The following NRG4 variants were observed in gnomAD, a reference collection of about 807,000 sequenced individuals.
NRG4 encodes the protein pro-neuregulin-4, membrane-bound isoform.
A neutral mutation model predicts 15.0 loss-of-function variants in NRG4; 10 were observed. The ratio of observed to expected loss-of-function variants is 0.67; its 90% CI spans 0.41 to 1.13. The LOEUF (loss-of-function observed/expected upper bound fraction) is 1.13, where lower values mean the gene tolerates loss of function less well. NRG4 is among the 50% of genes most tolerant of loss of function. The pLI is 0.00. For missense variants in NRG4, 139 were observed against 140.2 expected (o/e 0.99, Z 0.04); for synonymous variants, 41 against 50.1 (o/e 0.82, Z 0.77).
intron 4 of NRG4, among the ~76,000 whole-genome samples, chr15:76,040,577 A>C (rs1393272604): frequency 6.6e-6 from 1 of 152,246 alleles, no homozygotes; most frequent in African/African-American, 2.4e-5. Flanking sequence ...TGGTGTGTAA[A>C]CAACTGTTAT....
At chr15:76,003,900 T>C (rs1228569907) in intron 3 of NRG4, among the ~76,000 whole-genome samples, 1 of 152,188 alleles carries the variant, frequency 6.6e-6, no homozygotes, top group Non-Finnish European at 1.5e-5. Flanking sequence ...ACAAAATTCA[T>C]TATCACTTGA....
At chr15:76,004,458 G>A (rs543747263) in intron 3 of NRG4, among the ~76,000 whole-genome samples, 74 of 151,956 alleles carry the variant, frequency 4.9e-4, no homozygotes, top group African/African-American at 1.6e-3. Flanking sequence ...AAATTAGCCA[G>A]GCATGGTGGC....
intron 3 of NRG4, among the ~76,000 whole-genome samples, chr15:75,964,416 G>C (rs2032688956): frequency 1.3e-5 from 2 of 152,108 alleles, no homozygotes; most frequent in Non-Finnish European, 2.9e-5. Flanking sequence ...AAAAATTTTA[G>C]CTGTGAGAGC....
In NRG4 at chr15:75,963,852, A is replaced by T. The variant is rs377667323; in HGVS notation, c.105-1878T>A. Among the ~76,000 whole-genome samples the T allele has an allele frequency of 4.6e-5, 7 of 151,820 alleles. No individual in the cohort carries two copies. In the East Asian group the frequency reaches 9.7e-4, roughly 21 times the overall value. ...CAGCTACTCTGGAGGCTGAGGTGGG[A>T]AGATCGCTTAAGCCTAGGACTTTGA... On this transcript the variant is annotated intron_variant, in intron 3 of 5. Coordinates refer to ENST00000394907, the MANE Select transcript of NRG4 (RefSeq NM_138573.4).
intron 4 of NRG4, among the ~76,000 whole-genome samples, chr15:76,049,193 C>G (rs192428978): frequency 6.7e-4 from 101 of 150,726 alleles, no homozygotes; most frequent in Non-Finnish European, 2.2e-4. Context: ...CTTCCACCTG[C>G]AACACACATA....
rs192549506 is a variant in NRG4, at chr15:75,957,995, T to C, written c.252-1984A>G. 2.8e-3 allele frequency among the ~76,000 whole-genome samples: 428 copies of C among 150,612 alleles called. 1 individual carries two copies. The highest frequency in any genetic ancestry group is 0.01 in the African/African-American group (403 of 40,084). ...CCACATTTGCTTATTTCTAAGCCTC[T>C]CACTTAATTTTTATTTTCTATTTTT... On this transcript the variant is annotated intron_variant, in intron 4 of 5. Transcript: ENST00000394907.
intron 5 of NRG4, among the ~76,000 whole-genome samples, chr15:75,953,633 A>G (rs1210926088): frequency 6.6e-6 from 1 of 152,114 alleles, no homozygotes; most frequent in Non-Finnish European, 1.5e-5. Context: ...TAGCTTTGTT[A>G]TCTGTCTGTA....
chr15:76,043,056 T>C (rs948725535), intron 4 of NRG4, among the ~76,000 whole-genome samples: 2 of 152,194 alleles, frequency 1.3e-5, no homozygotes, highest in African/African-American at 4.8e-5. Flanking sequence ...AAAAATCATA[T>C]GATTATTTCA....
intron 4 of NRG4, among the ~76,000 whole-genome samples, chr15:76,041,797 A>G (rs1054355812): frequency 6.6e-6 from 1 of 152,166 alleles, no homozygotes; most frequent in Non-Finnish European, 1.5e-5. Flanking sequence ...ACAAAGAAAC[A>G]TCAGACTTAA....
chr15:75,940,360 C>T (rs908368740), downstream of NRG4: 7 of 151,878 alleles, frequency 4.6e-5, no homozygotes, highest in African/African-American at 1.7e-4. Flanking sequence ...GGAAATACAT[C>T]TCATGTTCAT....
intron 5 of NRG4, among the ~76,000 whole-genome samples, chr15:76,028,552 G>A (rs183947925): frequency 6.6e-6 from 1 of 151,322 alleles, no homozygotes; most frequent in Admixed American, 6.6e-5. Context: ...GAACTGTAAT[G>A]AACCTTTAAA....
intron 3 of NRG4, among the ~76,000 whole-genome samples, chr15:75,972,674 T>C (rs1190717983): frequency 6.6e-6 from 1 of 152,174 alleles, no homozygotes; most frequent in Non-Finnish European, 1.5e-5. Flanking sequence ...AAAGATAAGA[T>C]GGTTGTAGAG....
chr15:76,044,868 G>T (rs1596058947), intron 4 of NRG4, among the ~76,000 whole-genome samples: 1 of 148,750 alleles, frequency 6.7e-6, no homozygotes, highest in East Asian at 1.9e-4. Context: ...GATTTCTTGA[G>T]TAATACCCCA....
intron 4 of NRG4, among the ~76,000 whole-genome samples, chr15:76,044,138 C>T (rs1462730779): frequency 6.6e-6 from 1 of 151,840 alleles, no homozygotes; most frequent in Non-Finnish European, 1.5e-5. Context: ...GCTGGGACTA[C>T]AAGCGCCCGC....
intron 3 of NRG4, among the ~76,000 whole-genome samples, chr15:75,969,601 G>C (rs911172881): frequency 9.9e-5 from 15 of 152,204 alleles, no homozygotes; most frequent in African/African-American, 3.4e-4. Flanking sequence ...AGACCTAAGA[G>C]AGCAGGTACG....
intron 4 of NRG4, among the ~76,000 whole-genome samples, chr15:76,048,907 C>T (rs993944848): frequency 6.7e-6 from 1 of 150,044 alleles, no homozygotes. Flanking sequence ...TAGCCGGGCA[C>T]GGTGGTGCAT....
intron 5 of NRG4, among the ~76,000 whole-genome samples, chr15:76,019,114 C>A (rs539355211): frequency 6.6e-6 from 1 of 152,040 alleles, no homozygotes; most frequent in African/African-American, 2.4e-5. Context: ...AACTTCCAGG[C>A]GGCTTTGTTT....
chr15:75,941,875 G>A lies in NRG4; in HGVS notation c.*1763C>T, dbSNP rs2030994395. The A allele has an allele frequency of 7.7e-6, 1 of 129,820 alleles. No homozygotes were observed. The highest frequency in any genetic ancestry group is 2.6e-4 in the East Asian group (1 of 3,820). 8.0% of individuals were successfully genotyped at this position (129,820 alleles called of 1,614,324 possible). On this transcript the variant is annotated 3_prime_UTR_variant, in exon 6 of 6. Coordinates refer to ENST00000394907, the MANE Select transcript of NRG4 (RefSeq NM_138573.4). ...CGAATGTATTTAATGCCTTTAAACT[G>A]TAACTTCAAAATGGTTAAAATTTAA...
intron 3 of NRG4, among the ~76,000 whole-genome samples, chr15:75,989,442 G>A (rs1161212854): frequency 6.6e-6 from 1 of 151,344 alleles, no homozygotes; most frequent in Non-Finnish European, 1.5e-5. Context: ...TGCTTTTTCT[G>A]CCCTCTCATC....
Sources: allele counts gnomAD v4.1 joint callset (sites outside exome capture counted in the v4.1 genomes callset), GRCh38; gene constraint gnomAD v4.1.1; transcripts MANE v1.5; gene names NCBI Gene and HGNC (gene_info 2026-07-23, HGNC 2026-07-21).